Variants in VIRMA observed in about 807,000 individuals in gnomAD.
The protein encoded by VIRMA is protein virilizer homolog.
In VIRMA, 65 loss-of-function variants were observed where a neutral mutation model predicts 182.4. The ratio of observed to expected loss-of-function variants is 0.36; its 90% CI spans 0.29 to 0.44. VIRMA has a LOEUF of 0.44. VIRMA is among the 20% of genes least tolerant of loss of function. The pLI is 1.00. For synonymous variants in VIRMA, 709 were observed against 743.1 expected, an observed-to-expected ratio of 0.95 and a Z score of 0.75; for missense variants, 1,752 against 2,158.1, an observed-to-expected ratio of 0.81 and a Z score of 3.73.
At position 94,547,534 on chromosome 8, in the gene VIRMA, C is replaced by T. The variant is rs763720146; in HGVS notation, c.64-3592G>A. 3.0e-4 allele frequency among the ~76,000 whole-genome samples: 45 copies of T among 150,916 alleles called. 1 individual carries two copies. The highest frequency in any genetic ancestry group is 5.4e-4 in the Non-Finnish European group (37 of 68,014). ...ACTGCTACCACTTCCTTTTTCACTT[C>T]TGCAGATGAGTTCCTAATTGGTTTC... On this transcript the variant is annotated intron_variant, in intron 1 of 23. Coordinates refer to ENST00000297591, the MANE Select transcript of VIRMA (RefSeq NM_015496.5).
chr8:94,513,096 G>C (rs1814432074), intron 11 of VIRMA, among the ~76,000 whole-genome samples: 1 of 152,204 alleles, frequency 6.6e-6, no homozygotes, highest in Non-Finnish European at 1.5e-5. Context: ...ACAGCACTTT[G>C]GGAGGCCATG....
intron 8 of VIRMA, among the ~76,000 whole-genome samples, chr8:94,524,750 A>G (rs531405207): frequency 1.3e-5 from 2 of 152,258 alleles, no homozygotes; most frequent in Non-Finnish European, 2.9e-5. Flanking sequence ...TTTTTCATCT[A>G]CACTTCCTCT....
rs1156258484 is a variant in VIRMA, at chr8:94,509,675, TA to T, written c.3879+12del. On this transcript the variant is annotated intron_variant, in intron 15 of 23. Coordinates refer to ENST00000297591, the MANE Select transcript of VIRMA (RefSeq NM_015496.5). ...ACATGCAGAGAGAGACTTTATAAAA[TA>T]ACTATAAATACCTGATCACAGAGAG... 1.3e-6 allele frequency: 2 copies of T among 1,597,730 alleles called. No homozygotes were observed. Among genetic ancestry groups the T allele is most frequent in the African/African-American group, 2.7e-5 (2 of 73,828 alleles).
chr8:94,492,008 T>C, intron 21 of VIRMA, 99 bp from the exon 22 acceptor site: 1 of 878,858 alleles, frequency 1.1e-6, no homozygotes, highest in Non-Finnish European at 1.7e-6. Flanking sequence ...TTTTTTGTAC[T>C]CCAATTCTGC....
At chr8:94,520,874 A>G (rs1450525773) in intron 8 of VIRMA, among the ~76,000 whole-genome samples, 1 of 152,130 alleles carries the variant, frequency 6.6e-6, no homozygotes, top group African/African-American at 2.4e-5. Flanking sequence ...TCAATTTTTA[A>G]CATTTAAGCA....
intron 1 of VIRMA, among the ~76,000 whole-genome samples, 200 bp from the exon 2 acceptor site, chr8:94,544,142 T>C (rs1563482423): frequency 6.6e-6 from 1 of 152,210 alleles, no homozygotes; most frequent in Non-Finnish European, 1.5e-5. Context: ...TTGCCTAACA[T>C]TTTCTGCCAT....
chr8:94,501,678 C>T (rs1470877984), intron 16 of VIRMA, among the ~76,000 whole-genome samples: 1 of 152,158 alleles, frequency 6.6e-6, no homozygotes, highest in African/African-American at 2.4e-5. Flanking sequence ...TTAGTATGGG[C>T]CAGGTGTGGT....
At position 94,492,752 on chromosome 8, in the gene VIRMA, C is replaced by T. The variant is rs1051038099; in HGVS notation, c.4708G>A (p.Glu1570Lys). The T allele has an allele frequency of 3.7e-6, 6 of 1,613,840 alleles. No homozygotes were observed. In the African/African-American group the frequency reaches 5.3e-5, roughly 14 times the overall value. ...CSDFDLHSELERSFLSEPSSP... is the reference protein window; with the variant it reads ...CSDFDLHSELKRSFLSEPSSP... Reference sequence around the variant, plus strand: ...GATGGTTCTGACAAAAATGAGCGCTCTAATTCTGAGTGCAAATCAAAGTCA... The same window carrying T: ...GATGGTTCTGACAAAAATGAGCGCTTTAATTCTGAGTGCAAATCAAAGTCA... Residue 1570 changes from glutamate to lysine, a missense_variant, in exon 21 of 24, where the codon GAG becomes AAG. Around this residue, in one of 11 missense-constraint regions of VIRMA, gnomAD observed 777 missense variants for 920.6 expected, o/e 0.84. Coordinates refer to ENST00000297591, the MANE Select transcript of VIRMA (RefSeq NM_015496.5).
chr8:94,539,543 T>C (rs540136082), intron 2 of VIRMA, among the ~76,000 whole-genome samples: 57 of 152,226 alleles, frequency 3.7e-4, no homozygotes, highest in Non-Finnish European at 6.9e-4. Context: ...TGTTCATTTA[T>C]ATAAAAATCC....
intron 16 of VIRMA, among the ~76,000 whole-genome samples, chr8:94,502,126 A>G (rs894969240): frequency 3.3e-5 from 5 of 152,192 alleles, no homozygotes; most frequent in African/African-American, 4.8e-5. Flanking sequence ...TTAGGTGCAT[A>G]TATGTTTAGG....
rs769359660 is a variant in VIRMA at position 94,526,553 on chromosome 8, G to A, written c.1691C>T (p.Ser564Leu). 1.2e-6 allele frequency: 2 copies of A among 1,613,266 alleles called. No homozygotes were observed. The highest frequency in any genetic ancestry group is 1.7e-6 in the Non-Finnish European group (2 of 1,179,794). ...LQKCHFYEVL[S>L]EIKRLGDHLA... is the part of the protein sequence containing the mutation. ...ATGGTCACCAAGTCTTTTAATCTCT[G>A]ACAAGACTTCATAGAAATGGCATTT... The change falls in exon 8 of 24, where the codon TCA becomes TTA. Residue 564 changes from serine to leucine, a missense_variant. This residue lies in a region of VIRMA where 401 missense variants were observed against 455.1 expected (regional missense o/e 0.88). Coordinates refer to ENST00000297591, the MANE Select transcript of VIRMA (RefSeq NM_015496.5).
At chr8:94,494,728 A>AAAATAATG in intron 20 of VIRMA, 132 bp downstream of exon 20, 1 of 575,462 alleles carries the variant, frequency 1.7e-6, no homozygotes, top group Non-Finnish European at 3.0e-6. Flanking sequence ...AAGTGGCATA[A>AAAATAATG]AAATAATGTA....
intron 1 of VIRMA, among the ~76,000 whole-genome samples, chr8:94,545,006 C>T (rs1815712568): frequency 6.6e-6 from 1 of 152,038 alleles, no homozygotes; most frequent in Admixed American, 6.5e-5. Context: ...ATGCCTGTAA[C>T]CCTAACTACT....
chr8:94,499,350 A>G (rs1813891751), intron 17 of VIRMA, 24 bp downstream of exon 17: 5 of 1,494,070 alleles, frequency 3.3e-6, no homozygotes, highest in Non-Finnish European at 4.5e-6. Context: ...ATATATACAC[A>G]AACACAAACA....
Position 94,510,574 on chromosome 8 carries a change from A to G in VIRMA, c.3469T>C (p.Leu1157=), listed in dbSNP as rs962642285. The G allele has an allele frequency of 6.2e-7, 1 of 1,614,038 alleles. No individual in the cohort carries two copies. Among genetic ancestry groups the G allele is most frequent in the African/African-American group, 1.3e-5 (1 of 74,936 alleles). Residue 1157 remains leucine (L), a synonymous_variant, in exon 14 of 24, where the codon TTG becomes CTG. Coordinates refer to ENST00000297591, the MANE Select transcript of VIRMA (RefSeq NM_015496.5). ...WSMHLHVQAK[L]LQEIVRSFSG... ...AAAGAGCGAACTATTTCTTGGAGCA[A>G]CTTTGCTTGAACATGAAGGTGCATG...
At chr8:94,505,175 C>T (rs1487035676) in intron 16 of VIRMA, among the ~76,000 whole-genome samples, 2 of 151,928 alleles carry the variant, frequency 1.3e-5, no homozygotes, top group Non-Finnish European at 2.9e-5. Flanking sequence ...CAACTGAGAG[C>T]GAATACAGAA....
At chr8:94,544,907 C>T (rs943813695) in intron 1 of VIRMA, among the ~76,000 whole-genome samples, 21 of 151,544 alleles carry the variant, frequency 1.4e-4, no homozygotes, top group African/African-American at 4.6e-4. Context: ...ACTGAATAGC[C>T]GAGATAAACC....
At chr8:94,507,895 A>ATATATATG (rs746921505) in intron 15 of VIRMA, among the ~76,000 whole-genome samples, 6 of 148,806 alleles carry the variant, frequency 4.0e-5, no homozygotes, top group Non-Finnish European at 5.9e-5. Context: ...GTATATATGT[A>ATATATATG]TATATATGTA....
chr8:94,550,016 G>A (rs1297979933), intron 1 of VIRMA, among the ~76,000 whole-genome samples: 1 of 151,798 alleles, frequency 6.6e-6, no homozygotes, highest in African/African-American at 2.4e-5. Flanking sequence ...AGGATCGATT[G>A]AGCCCTGGTG....
Sources: gnomAD v4.1 joint callset for allele counts (sites outside exome capture counted in the v4.1 genomes callset) on GRCh38, gnomAD v4.1.1 for gene constraint, gnomAD v4.1.1 regional missense constraint, MANE v1.5 for transcripts, NCBI Gene and HGNC (gene_info 2026-07-23, HGNC 2026-07-21) for gene names.